The following ADAM23 variants were observed in gnomAD, a reference collection of about 807,000 sequenced individuals.
ADAM23 encodes the protein ADAM metallopeptidase domain 23.
Under a neutral mutation model 120.1 loss-of-function variants are expected in ADAM23, and 33 were observed. That is an observed-to-expected ratio of 0.27 (90% CI 0.21 to 0.37). ADAM23 has a LOEUF of 0.37. ADAM23 is among the 10% of genes least tolerant of loss of function. ADAM23 has a pLI of 1.00. For synonymous variants in ADAM23, 367 were observed against 375.2 expected (o/e 0.98, Z 0.25); for missense variants, 862 against 1,058.2 (o/e 0.81, Z 2.57).
chr2:206,458,872 A>G (rs1341748464), intron 2 of ADAM23, among the ~76,000 whole-genome samples: 4 of 152,246 alleles, frequency 2.6e-5, no homozygotes, highest in African/African-American at 9.6e-5. Flanking sequence ...GAACAATTAT[A>G]AAACCATGAC....
chr2:206,493,726 A>G (rs1213711125), intron 3 of ADAM23, among the ~76,000 whole-genome samples: 3 of 152,266 alleles, frequency 2.0e-5, no homozygotes, highest in African/African-American at 4.8e-5. Context: ...GTCCTTTAAT[A>G]TAATTACAAA....
At chr2:206,530,522 T>C (rs1036242131) in intron 3 of ADAM23, among the ~76,000 whole-genome samples, 1 of 147,678 alleles carries the variant, frequency 6.8e-6, no homozygotes, top group Non-Finnish European at 1.5e-5. Context: ...ATAATGTGAA[T>C]AAAAAGAGTT....
At chr2:206,613,883 A>G (rs1054085344) in intron 25 of ADAM23, among the ~76,000 whole-genome samples, 24 of 152,198 alleles carry the variant, frequency 1.6e-4, no homozygotes, top group Admixed American at 1.6e-3. Flanking sequence ...TTACATGCAC[A>G]TTAGTAGGTG....
intron 25 of ADAM23, among the ~76,000 whole-genome samples, chr2:206,612,155 G>A (rs111998969): frequency 1.3e-5 from 2 of 152,328 alleles, no homozygotes; most frequent in African/African-American, 2.4e-5. Flanking sequence ...CTGGGTGACT[G>A]TTGGTTGCTA....
At chr2:206,616,419 G>C (rs1029708015) in intron 25 of ADAM23, among the ~76,000 whole-genome samples, 1 of 152,120 alleles carries the variant, frequency 6.6e-6, no homozygotes, top group South Asian at 2.1e-4. Context: ...TCATGAAGAC[G>C]TTTTAATGTA....
At chr2:206,489,981 T>A (rs1696097301) in intron 3 of ADAM23, among the ~76,000 whole-genome samples, 1 of 152,238 alleles carries the variant, frequency 6.6e-6, no homozygotes, top group Non-Finnish European at 1.5e-5. Context: ...CACTCTGCAT[T>A]CGTACGTTGA....
chr2:206,482,644 A>C (rs1695920709), intron 3 of ADAM23, among the ~76,000 whole-genome samples: 1 of 152,198 alleles, frequency 6.6e-6, no homozygotes, highest in African/African-American at 2.4e-5. Context: ...TAGCATGCAA[A>C]GGAATCAGGT....
At chr2:206,584,806 C>T (rs1411434575) in intron 18 of ADAM23, among the ~76,000 whole-genome samples, 2 of 152,234 alleles carry the variant, frequency 1.3e-5, no homozygotes, top group Non-Finnish European at 2.9e-5. Context: ...AGAATTCCTT[C>T]TCCCTGTGGA....
At chr2:206,554,090 T>G (rs560838861) in intron 9 of ADAM23, among the ~76,000 whole-genome samples, 1 of 152,348 alleles carries the variant, frequency 6.6e-6, no homozygotes, top group African/African-American at 2.4e-5. Context: ...AAATTAGTTC[T>G]AATTCATGCA....
At position 206,567,217 on chromosome 2, in the gene ADAM23, C is replaced by T; in HGVS notation, c.1395-6C>T. 5 of 1,601,088 alleles carry T rather than the reference C, an allele frequency of 3.1e-6. 1 individual carries two copies. The highest frequency in any genetic ancestry group is 2.6e-6 in the Non-Finnish European group (3 of 1,169,996). On this transcript the variant is annotated splice_polypyrimidine_tract_variant and splice_region_variant and intron_variant, in intron 14 of 25. Transcript: ENST00000264377. ...TATTTACATAGTTGATTCTTTGTTT[C>T]CTCAGGGTGTCCCATTCTCGAAAAT... is the stretch of plus-strand genomic sequence containing the variant.
chr2:206,555,194 C>T (rs543856430), intron 9 of ADAM23, among the ~76,000 whole-genome samples: 1 of 152,236 alleles, frequency 6.6e-6, no homozygotes, highest in East Asian at 1.9e-4. Flanking sequence ...TTTGATATCT[C>T]TATTTTAGTG....
intron 18 of ADAM23, among the ~76,000 whole-genome samples, chr2:206,583,526 T>C (rs996875475): frequency 6.6e-6 from 1 of 152,186 alleles, no homozygotes; most frequent in Non-Finnish European, 1.5e-5. Context: ...GTTTAACATA[T>C]CAAACCTTCT....
chr2:206,533,258 G>A (rs2105800032), intron 4 of ADAM23, among the ~76,000 whole-genome samples: 1 of 152,194 alleles, frequency 6.6e-6, no homozygotes, highest in African/African-American at 2.4e-5. Flanking sequence ...CTAGAGTGCA[G>A]TGGTGCAATC....
intron 3 of ADAM23, among the ~76,000 whole-genome samples, chr2:206,526,750 A>C (rs1326267671): frequency 6.6e-6 from 1 of 152,246 alleles, no homozygotes; most frequent in Non-Finnish European, 1.5e-5. Context: ...GTGGACACAC[A>C]GCATTATTTC....
chr2:206,481,027 C>T (rs1033388538), intron 2 of ADAM23, among the ~76,000 whole-genome samples: 2 of 152,156 alleles, frequency 1.3e-5, no homozygotes, highest in African/African-American at 4.8e-5. Context: ...GTCTTATTAG[C>T]TCTTTGCTAC....
At chr2:206,526,382 A>G (rs755188360) in intron 3 of ADAM23, among the ~76,000 whole-genome samples, 2 of 152,196 alleles carry the variant, frequency 1.3e-5, no homozygotes, top group African/African-American at 2.4e-5. Context: ...TGTTTCAGTG[A>G]CAAACATGAA....
intron 3 of ADAM23, among the ~76,000 whole-genome samples, chr2:206,514,084 CT>C (rs2105784861): frequency 6.6e-6 from 1 of 152,278 alleles, no homozygotes; most frequent in Non-Finnish European, 1.5e-5. Flanking sequence ...GTTTTTATGC[CT>C]GATAACACAA....
Position 206,445,367 on chromosome 2 carries a change from C to A in ADAM23, c.275C>A (p.Thr92Lys), listed in dbSNP as rs890831846. 5 of 1,613,804 alleles carry A rather than the reference C, an allele frequency of 3.1e-6. No individual in the cohort carries two copies. The highest frequency in any genetic ancestry group is 4.2e-6 in the Non-Finnish European group (5 of 1,179,942). The change falls in exon 2 of 26, where the codon ACA (threonine) becomes AAA (lysine). Residue 92 changes from threonine to lysine, a missense_variant. This residue lies in a region of ADAM23 where 225 missense variants were observed against 204.0 expected (regional missense o/e 1.10). Coordinates refer to ENST00000264377, the MANE Select transcript of ADAM23 (RefSeq NM_003812.4). ...NLGVLADEDN[T>K]LQQNSSSNIS... ...GGAGTCCTGGCAGATGAAGACAATACATTGCAACAGAATAGCAGCAGTAAT... is the reference window on the plus strand; with the variant it reads ...GGAGTCCTGGCAGATGAAGACAATAAATTGCAACAGAATAGCAGCAGTAAT...
At chr2:206,460,621 A>G (rs778187145) in intron 2 of ADAM23, among the ~76,000 whole-genome samples, 10 of 151,996 alleles carry the variant, frequency 6.6e-5, no homozygotes, top group Non-Finnish European at 1.3e-4. Context: ...GGAGTTCTTT[A>G]TGTACTCTGG....
Sources: gnomAD v4.1 joint callset for allele counts (sites outside exome capture counted in the v4.1 genomes callset) on GRCh38, gnomAD v4.1.1 for gene constraint, gnomAD v4.1.1 regional missense constraint, MANE v1.5 for transcripts, NCBI Gene and HGNC (gene_info 2026-07-23, HGNC 2026-07-21) for gene names.